The following CSMD1 variants were observed in gnomAD, a reference collection of about 807,000 sequenced individuals.
CSMD1 encodes CUB and sushi domain-containing protein 1.
Under a neutral mutation model 417.5 loss-of-function variants are expected in CSMD1, and 213 were observed. That is an observed-to-expected ratio of 0.51 (90% CI 0.46 to 0.57). CSMD1 has a LOEUF of 0.57. Among genes scored for constraint, CSMD1 ranks in the 20% least tolerant of loss-of-function variants. The pLI, the probability that CSMD1 is intolerant of heterozygous loss-of-function variation, is 0.00. For synonymous variants in CSMD1, 2,862 were observed against 1,736.8 expected (o/e 1.65, Z -16.11); for missense variants, 6,923 against 4,529.7 (o/e 1.53, Z -15.17).
Position 4,495,574 on chromosome 8 carries a change from C to T in CSMD1, c.303-75509G>A, listed in dbSNP as rs368858305. Among the ~76,000 whole-genome samples, 343 of 120,196 alleles carry T rather than the reference C, an allele frequency of 2.9e-3. 1 individual carries two copies. The highest frequency in any genetic ancestry group is 8.2e-3 in the African/African-American group (302 of 36,882). The allele number at this position is 120,196 out of a possible 152,430, so 78.9% of individuals were successfully genotyped here. On this transcript the variant is annotated intron_variant, in intron 2 of 69. Coordinates refer to ENST00000635120, the MANE Select transcript of CSMD1 (RefSeq NM_033225.6). ...TGGGTGACAGAGCAAGACTCCATCT[C>T]AGAAAAAAAGAAAAAAAAGAATTGC... is the stretch of plus-strand genomic sequence containing the variant.
intron 3 of CSMD1, among the ~76,000 whole-genome samples, chr8:4,220,283 C>T (rs1800948542): frequency 6.6e-6 from 1 of 152,144 alleles, no homozygotes; most frequent in Non-Finnish European, 1.5e-5. Flanking sequence ...GTCAGTGAGG[C>T]CTTCCTGACA....
At chr8:3,285,624 C>A (rs1255343221) in intron 25 of CSMD1, among the ~76,000 whole-genome samples, 7 of 152,066 alleles carry the variant, frequency 4.6e-5, no homozygotes, top group African/African-American at 1.7e-4. Flanking sequence ...GTCTTGAACT[C>A]CTCACCTCAG....
chr8:4,720,477 G>T (rs1025576405), intron 1 of CSMD1, among the ~76,000 whole-genome samples: 3 of 152,136 alleles, frequency 2.0e-5, no homozygotes, highest in Non-Finnish European at 4.4e-5. Flanking sequence ...GAGTGCAGAG[G>T]CATGATCTCG....
chr8:3,770,454 A>G (rs1353857786), intron 5 of CSMD1, among the ~76,000 whole-genome samples: 5 of 152,130 alleles, frequency 3.3e-5, no homozygotes, highest in Non-Finnish European at 5.9e-5. Context: ...TCTTGAACCC[A>G]AGAGGCAGAG....
At chr8:4,536,838 G>C (rs1044691707) in intron 2 of CSMD1, among the ~76,000 whole-genome samples, 1 of 152,072 alleles carries the variant, frequency 6.6e-6, no homozygotes, top group Non-Finnish European at 1.5e-5. Flanking sequence ...TTTCACAAGG[G>C]GTGTCACCTT....
intron 10 of CSMD1, among the ~76,000 whole-genome samples, chr8:3,558,962 G>C (rs1479826785): frequency 6.6e-6 from 1 of 152,164 alleles, no homozygotes; most frequent in Non-Finnish European, 1.5e-5. Context: ...TATGACGGCA[G>C]AATTGGAATG....
At chr8:4,041,060 A>T (rs1585188484) in intron 3 of CSMD1, among the ~76,000 whole-genome samples, 2 of 122,314 alleles carry the variant, frequency 1.6e-5, no homozygotes, top group African/African-American at 6.7e-5. Context: ...TCTGTCGCCC[A>T]GGCTGGAGTG....
chr8:3,623,096 G>A (rs1014692430), intron 7 of CSMD1, among the ~76,000 whole-genome samples: 1 of 152,096 alleles, frequency 6.6e-6, no homozygotes, highest in Non-Finnish European at 1.5e-5. Flanking sequence ...TAATATTAAA[G>A]AAAGATATGT....
chr8:4,613,747 T>C (rs891770086), intron 2 of CSMD1, among the ~76,000 whole-genome samples: 3 of 151,968 alleles, frequency 2.0e-5, no homozygotes, highest in Non-Finnish European at 2.9e-5. Flanking sequence ...AATTTGGATC[T>C]TTAACAAACT....
intron 3 of CSMD1, among the ~76,000 whole-genome samples, chr8:4,210,204 C>A (rs1046377314): frequency 1.3e-5 from 2 of 152,316 alleles, no homozygotes; most frequent in East Asian, 3.9e-4. Context: ...TTCACTCCCT[C>A]CCCAAGCCAG....
rs377673036 is a variant in CSMD1, at chr8:4,725,264, G to C, written c.86-87706C>G. On this transcript the variant is annotated intron_variant, in intron 1 of 69. Transcript: ENST00000635120. ...ACGAGCAAAGTATCGAACTTCATTG[G>C]TACATGAATGACCAAGATCTGATTA... 1.5e-3 allele frequency among the ~76,000 whole-genome samples: 228 copies of C among 152,214 alleles called. 7 individuals carry two copies. In the South Asian group the frequency reaches 0.041, roughly 27 times the overall value.
chr8:4,323,218 T>A (rs1317800158), intron 3 of CSMD1, among the ~76,000 whole-genome samples: 1 of 152,180 alleles, frequency 6.6e-6, no homozygotes, highest in Non-Finnish European at 1.5e-5. Context: ...CCCATGTGAT[T>A]GTAAGAGAAG....
intron 1 of CSMD1, among the ~76,000 whole-genome samples, chr8:4,794,945 T>C (rs189548370): frequency 1.8e-4 from 27 of 151,950 alleles, no homozygotes; most frequent in Admixed American, 5.9e-4. Flanking sequence ...GGAGTCCTAC[T>C]ATTGTTTCCA....
intron 23 of CSMD1, among the ~76,000 whole-genome samples, chr8:3,336,244 T>C (rs1015424569): frequency 6.6e-6 from 1 of 152,128 alleles, no homozygotes; most frequent in Non-Finnish European, 1.5e-5. Flanking sequence ...TACATGCTAA[T>C]CAGTCCCTTT....
At chr8:3,603,793 G>C (rs1332275451) in intron 8 of CSMD1, among the ~76,000 whole-genome samples, 1 of 152,116 alleles carries the variant, frequency 6.6e-6, no homozygotes, top group Non-Finnish European at 1.5e-5. Flanking sequence ...AAATTTTTTA[G>C]TTGATGGGAA....
At chr8:4,852,000 C>T (rs570254095) in intron 1 of CSMD1, among the ~76,000 whole-genome samples, 33 of 152,280 alleles carry the variant, frequency 2.2e-4, no homozygotes, top group East Asian at 3.9e-4. Context: ...TCTCTCTGGA[C>T]GCTTGATCTG....
intron 3 of CSMD1, among the ~76,000 whole-genome samples, chr8:4,113,889 G>C (rs555387744): frequency 2.0e-5 from 3 of 152,184 alleles, no homozygotes; most frequent in Non-Finnish European, 4.4e-5. Flanking sequence ...AGGTAAGGAA[G>C]TTGCAGAAGA....
At chr8:4,054,261 A>G (rs546293095) in intron 3 of CSMD1, among the ~76,000 whole-genome samples, 8 of 140,230 alleles carry the variant, frequency 5.7e-5, no homozygotes, top group African/African-American at 2.1e-4. Flanking sequence ...TTTGAGAGTT[A>G]AGAGGTGACG....
chr8:4,254,164 G>T (rs189759599), intron 3 of CSMD1, among the ~76,000 whole-genome samples: 5 of 151,884 alleles, frequency 3.3e-5, no homozygotes, highest in Non-Finnish European at 5.9e-5. Context: ...TGATCCACCC[G>T]CCTTGGCCTC....
Sources: allele counts gnomAD v4.1 joint callset (sites outside exome capture counted in the v4.1 genomes callset), GRCh38; gene constraint gnomAD v4.1.1; transcripts MANE v1.5; gene names NCBI Gene and HGNC (gene_info 2026-07-23, HGNC 2026-07-21).